The following FGF1 variants were observed in gnomAD, a reference collection of about 807,000 sequenced individuals.
The protein encoded by FGF1 is fibroblast growth factor 1.
FGF1 carries 9 observed loss-of-function variants against 13.4 expected under a neutral mutation model. The observed-to-expected ratio is 0.67, with a 90% CI of 0.40 to 1.17. The LOEUF is 1.17. FGF1 is among the 50% of genes most tolerant of loss of function. The pLI, the probability that FGF1 is intolerant of heterozygous loss-of-function variation, is 0.01. For missense variants in FGF1, 156 were observed against 192.7 expected (o/e 0.81, Z 1.13); for synonymous variants, 93 against 79.0 (o/e 1.18, Z -0.94).
intron 1 of FGF1, among the ~76,000 whole-genome samples, chr5:142,649,334 T>C (rs1442663301): frequency 6.6e-6 from 1 of 152,230 alleles, no homozygotes; most frequent in Non-Finnish European, 1.5e-5. Context: ...TTTATATTTA[T>C]TATCACTACT....
chr5:142,656,025 A>G (rs1327792005), intron 1 of FGF1, among the ~76,000 whole-genome samples: 1 of 152,224 alleles, frequency 6.6e-6, no homozygotes, highest in African/African-American at 2.4e-5. Flanking sequence ...ATGATCTGAA[A>G]ATATAATTAA....
At chr5:142,647,962 G>A (rs1486474675) in intron 1 of FGF1, among the ~76,000 whole-genome samples, 2 of 152,158 alleles carry the variant, frequency 1.3e-5, no homozygotes, top group African/African-American at 4.8e-5. Flanking sequence ...GTGCGCACCT[G>A]TAATCCCAGC....
intron 1 of FGF1, among the ~76,000 whole-genome samples, chr5:142,614,655 T>G (rs1759830216): frequency 6.6e-6 from 1 of 152,118 alleles, no homozygotes; most frequent in Non-Finnish European, 1.5e-5. Context: ...GTTCGGGACC[T>G]GCAGCCAAAG....
chr5:142,683,486 C>A (rs1774102603), intron 1 of FGF1, among the ~76,000 whole-genome samples: 1 of 152,090 alleles, frequency 6.6e-6, no homozygotes. Context: ...CAAATGCATT[C>A]CTAATTTTGC....
At chr5:142,662,832 A>AC (rs1769517239) in intron 1 of FGF1, among the ~76,000 whole-genome samples, 2 of 150,284 alleles carry the variant, frequency 1.3e-5, no homozygotes, top group Non-Finnish European at 3.0e-5. Flanking sequence ...TAAAATTGTA[A>AC]TTTTTTTTTT....
intron 1 of FGF1, among the ~76,000 whole-genome samples, chr5:142,679,161 G>A (rs903267238): frequency 7.2e-5 from 11 of 152,074 alleles, no homozygotes; most frequent in East Asian, 5.8e-4. Flanking sequence ...CAGTATGGCC[G>A]CACAGTCTGA....
At chr5:142,679,019 C>G (rs1773196233) in intron 1 of FGF1, among the ~76,000 whole-genome samples, 1 of 152,204 alleles carries the variant, frequency 6.6e-6, no homozygotes, top group African/African-American at 2.4e-5. Context: ...CTCTCCAGGG[C>G]TGACCCACTG....
intron 1 of FGF1, among the ~76,000 whole-genome samples, chr5:142,631,465 T>C (rs544685586): frequency 5.3e-5 from 8 of 152,330 alleles, no homozygotes; most frequent in African/African-American, 1.4e-4. Flanking sequence ...GAACCTCTCT[T>C]TCCAATCACT....
intron 2 of FGF1, among the ~76,000 whole-genome samples, chr5:142,612,535 A>G (rs1759292800): frequency 6.6e-6 from 1 of 152,206 alleles, no homozygotes; most frequent in South Asian, 2.1e-4. Context: ...GTTGTGTATC[A>G]TGCCTGACAC....
chr5:142,696,216 T>C (rs567718460), intron 2 of FGF1, among the ~76,000 whole-genome samples: 1 of 152,204 alleles, frequency 6.6e-6, no homozygotes, highest in East Asian at 1.9e-4. Context: ...CTTCTGTCAC[T>C]AATACATTTT....
intron 1 of FGF1, among the ~76,000 whole-genome samples, chr5:142,662,865 C>T (rs564389626): frequency 2.6e-5 from 4 of 152,220 alleles, no homozygotes; most frequent in Admixed American, 6.5e-5. Context: ...CACTCCCTCA[C>T]CAGGCTGGAG....
intron 1 of FGF1, among the ~76,000 whole-genome samples, chr5:142,618,676 G>C (rs1294796846): frequency 6.6e-6 from 1 of 152,126 alleles, no homozygotes; most frequent in Non-Finnish European, 1.5e-5. Flanking sequence ...TAGCAGAGAA[G>C]ATGAAAGGCA....
chr5:142,663,894 T>C (rs1316817281), intron 1 of FGF1, among the ~76,000 whole-genome samples: 4 of 152,130 alleles, frequency 2.6e-5, no homozygotes, highest in East Asian at 1.9e-4. Context: ...GCAAGGAAGA[T>C]GTGGGAAGAA....
chr5:142,656,794 CAT>C (rs1768256751), intron 1 of FGF1, among the ~76,000 whole-genome samples: 1 of 152,144 alleles, frequency 6.6e-6, no homozygotes, highest in Admixed American at 6.5e-5. Context: ...ATTTAAAAAT[CAT>C]ATATCTATGT....
chr5:142,619,214 G>A (rs1398122432), intron 1 of FGF1, among the ~76,000 whole-genome samples: 7 of 152,150 alleles, frequency 4.6e-5, no homozygotes, highest in Admixed American at 2.6e-4. Flanking sequence ...GATTACAGGC[G>A]TGAGCCACCA....
At chr5:142,648,600 T>C (rs1050269463) in intron 1 of FGF1, among the ~76,000 whole-genome samples, 1 of 145,228 alleles carries the variant, frequency 6.9e-6, no homozygotes, top group Non-Finnish European at 1.5e-5. Flanking sequence ...GGCATGTGTA[T>C]ACCTATGTAA....
chr5:142,686,393 A>T (rs914611295), upstream of FGF1: 1 of 153,088 alleles, frequency 6.5e-6, no homozygotes, highest in Non-Finnish European at 1.5e-5. Context: ...GCCATTGGCC[A>T]GCCAGGAGGG....
chr5:142,691,758 T>C (rs570640198), intron 2 of FGF1, among the ~76,000 whole-genome samples: 1 of 152,254 alleles, frequency 6.6e-6, no homozygotes, highest in Non-Finnish European at 1.5e-5. Flanking sequence ...CTACTGCTCC[T>C]GGTCCAGGGA....
chr5:142,663,691 C>G (rs1769740235), intron 1 of FGF1, among the ~76,000 whole-genome samples: 1 of 152,070 alleles, frequency 6.6e-6, no homozygotes, highest in Non-Finnish European at 1.5e-5. Flanking sequence ...GTCCAGTTGA[C>G]TTTTTTTTCC....
Sources: allele counts gnomAD v4.1 joint callset (sites outside exome capture counted in the v4.1 genomes callset), GRCh38; gene constraint gnomAD v4.1.1; transcripts MANE v1.5; gene names NCBI Gene and HGNC (gene_info 2026-07-23, HGNC 2026-07-21).